The following FAF1 variants were observed in gnomAD, a reference collection of about 807,000 sequenced individuals.
FAF1 encodes the protein FAS-associated factor 1.
Under a neutral mutation model 92.5 loss-of-function variants are expected in FAF1, and 25 were observed. The observed-to-expected ratio is 0.27, with a 90% CI of 0.20 to 0.38. The LOEUF is 0.38. FAF1 is among the 10% of genes least tolerant of loss of function. The pLI, the probability that FAF1 is intolerant of heterozygous loss-of-function variation, is 1.00. For missense variants in FAF1, 636 were observed against 793.3 expected (o/e 0.80, Z 2.38); for synonymous variants, 234 against 273.2 (o/e 0.86, Z 1.42).
rs146438793 is a variant in FAF1, at chr1:50,545,458, G to A, written c.1269-5730C>T. ...TAATTTTTGTATTTTTAGTAGAGAT[G>A]GGGTTGCACCATGTTGGCCAGGCTG... is the stretch of plus-strand genomic sequence containing the variant. On this transcript the variant is annotated intron_variant, in intron 13 of 18. Transcript: ENST00000396153. Among the ~76,000 whole-genome samples the A allele has an allele frequency of 3.8e-3, 578 of 152,082 alleles. 8 individuals are homozygous for A. The highest frequency in any genetic ancestry group is 0.013 in the African/African-American group (534 of 41,502).
chr1:50,893,039 C>CT (rs950484673), intron 1 of FAF1, among the ~76,000 whole-genome samples: 4 of 152,158 alleles, frequency 2.6e-5, no homozygotes, highest in African/African-American at 9.6e-5. Context: ...CTGCTTGATT[C>CT]TTTTTTAATT....
At chr1:50,842,658 T>C (rs1047414801) in intron 2 of FAF1, among the ~76,000 whole-genome samples, 11 of 152,232 alleles carry the variant, frequency 7.2e-5, no homozygotes, top group African/African-American at 2.6e-4. Context: ...CTCAGGGCCT[T>C]TGTGTTTGCT....
intron 3 of FAF1, among the ~76,000 whole-genome samples, chr1:50,799,331 G>A (rs565088760): frequency 5.9e-5 from 9 of 152,240 alleles, no homozygotes; most frequent in African/African-American, 2.2e-4. Flanking sequence ...GTTGTAGTGA[G>A]TATTAAATGA....
intron 9 of FAF1, 99 bp from the exon 10 acceptor site, chr1:50,584,910 AT>A: frequency 8.9e-7 from 1 of 1,118,202 alleles, no homozygotes; most frequent in African/African-American, 1.6e-5. Flanking sequence ...GCGTTATAAA[AT>A]TTTTATCAAA....
At chr1:50,453,130 G>A (rs192837126) in intron 18 of FAF1, among the ~76,000 whole-genome samples, 14 of 152,354 alleles carry the variant, frequency 9.2e-5, no homozygotes, top group South Asian at 2.1e-4. Flanking sequence ...AATGAAAGAC[G>A]TGGCTGGAAA....
In FAF1 at chr1:50,822,878, G is replaced by A. The variant is rs546712076; in HGVS notation, c.115-21201C>T. ...CAACCTCTGCCTCTCGGGTTCAAGC[G>A]ATTCTCCTACCTCAGCCTCCTGAGA... On this transcript the variant is annotated intron_variant, in intron 2 of 18. Transcript: ENST00000396153. Among the ~76,000 whole-genome samples, 4 of 150,872 alleles carry A rather than the reference G, an allele frequency of 2.7e-5. No homozygotes were observed. In the East Asian group the frequency reaches 5.9e-4, roughly 22 times the overall value.
At chr1:50,676,423 A>G (rs1181479885) in intron 7 of FAF1, among the ~76,000 whole-genome samples, 1 of 151,982 alleles carries the variant, frequency 6.6e-6, no homozygotes, top group African/African-American at 2.4e-5. Context: ...AAAAAAAAGA[A>G]AGAAAGAAAA....
chr1:50,536,324 A>T (rs1277201514), intron 14 of FAF1, among the ~76,000 whole-genome samples: 2 of 152,210 alleles, frequency 1.3e-5, no homozygotes, highest in Non-Finnish European at 2.9e-5. Context: ...ACAAAAGAAA[A>T]ATTCATGAGG....
At chr1:50,457,729 A>AAAAAAAAAAAAAAAAAAAT in intron 18 of FAF1, among the ~76,000 whole-genome samples, 1 of 147,274 alleles carries the variant, frequency 6.8e-6, no homozygotes, top group Non-Finnish European at 1.5e-5. Flanking sequence ...CTCTGCAAAA[A>AAAAAAAAAAAAAAAAAAAT]AAAAAAAAAA....
At chr1:50,449,755 TG>T (rs1646272577) in intron 18 of FAF1, among the ~76,000 whole-genome samples, 1 of 151,754 alleles carries the variant, frequency 6.6e-6, no homozygotes, top group African/African-American at 2.4e-5. Context: ...CCCAAAGTGC[TG>T]GAATTACAGG....
chr1:50,746,313 TTTTTTTTGA>T, intron 4 of FAF1, among the ~76,000 whole-genome samples: 1 of 105,800 alleles, frequency 9.5e-6, no homozygotes, highest in Admixed American at 9.8e-5. Flanking sequence ...TTTTTTTTTT[TTTTTTTTGA>T]GACAGAGTTT....
intron 1 of FAF1, among the ~76,000 whole-genome samples, chr1:50,957,352 T>G: frequency 9.7e-6 from 1 of 102,906 alleles, no homozygotes; most frequent in Admixed American, 9.2e-5. Flanking sequence ...ATTTTCTTTT[T>G]TTTTTTTTTT....
chr1:50,681,662 C>A (rs1656429832), intron 7 of FAF1, among the ~76,000 whole-genome samples: 1 of 150,938 alleles, frequency 6.6e-6, no homozygotes, highest in Admixed American at 6.6e-5. Flanking sequence ...CATGTGCCAG[C>A]CTGTAATCCC....
intron 18 of FAF1, among the ~76,000 whole-genome samples, chr1:50,444,175 A>T (rs955183432): frequency 1.1e-4 from 16 of 152,140 alleles, no homozygotes; most frequent in Admixed American, 5.9e-4. Context: ...GGGATGTAGG[A>T]CATCATGTTT....
chr1:50,897,066 C>A (rs572688677), intron 1 of FAF1, among the ~76,000 whole-genome samples: 1 of 152,046 alleles, frequency 6.6e-6, no homozygotes, highest in South Asian at 2.1e-4. Flanking sequence ...TACATTAGCT[C>A]CAATTAAAAA....
At chr1:50,705,102 A>T (rs1220163228) in intron 7 of FAF1, among the ~76,000 whole-genome samples, 1 of 152,244 alleles carries the variant, frequency 6.6e-6, no homozygotes, top group African/African-American at 2.4e-5. Context: ...GTTTCTAAAC[A>T]TAAGTCCTGT....
intron 1 of FAF1, among the ~76,000 whole-genome samples, chr1:50,924,764 C>A (rs1644990970): frequency 6.6e-6 from 1 of 152,170 alleles, no homozygotes; most frequent in South Asian, 2.1e-4. Context: ...GGGTGGATCA[C>A]CTGAGTTCAA....
At chr1:50,729,058 A>ACAT (rs1553132916) in intron 6 of FAF1, among the ~76,000 whole-genome samples, 2 of 70,132 alleles carry the variant, frequency 2.9e-5, no homozygotes, top group Non-Finnish European at 5.4e-5. Flanking sequence ...ATATATATAT[A>ACAT]TTTTTTTTTT....
At chr1:50,477,837 C>G (rs1477439199) in intron 17 of FAF1, among the ~76,000 whole-genome samples, 2 of 152,008 alleles carry the variant, frequency 1.3e-5, no homozygotes, top group Admixed American at 1.3e-4. Flanking sequence ...TCAATATGCA[C>G]TTGGAAGGGA....
Sources: gnomAD v4.1 joint callset for allele counts (sites outside exome capture counted in the v4.1 genomes callset) on GRCh38, gnomAD v4.1.1 for gene constraint, MANE v1.5 for transcripts, NCBI Gene and HGNC (gene_info 2026-07-23, HGNC 2026-07-21) for gene names.